Variants in CCDC81 observed in about 807,000 individuals in gnomAD.
CCDC81 encodes coiled-coil domain-containing protein 81.
In CCDC81, 79 loss-of-function variants were observed where a neutral mutation model predicts 83.7. That is an observed-to-expected ratio of 0.94 (90% CI 0.79 to 1.14). The LOEUF is 1.14. Ranked by LOEUF, CCDC81 falls within the 50% of genes most tolerant of loss-of-function variation. The pLI is 0.00. For missense variants in CCDC81, 791 were observed against 778.1 expected (o/e 1.02, Z -0.20); for synonymous variants, 252 against 278.1 (o/e 0.91, Z 0.93).
intron 6 of CCDC81, among the ~76,000 whole-genome samples, chr11:86,398,135 A>G (rs993983713): frequency 7.9e-5 from 12 of 152,206 alleles, no homozygotes; most frequent in Non-Finnish European, 1.8e-4. Context: ...GCACCCAGCC[A>G]CAAATAATCA....
At chr11:86,403,949 C>G (rs1481033794) in intron 7 of CCDC81, among the ~76,000 whole-genome samples, 1 of 151,960 alleles carries the variant, frequency 6.6e-6, no homozygotes, top group Non-Finnish European at 1.5e-5. Flanking sequence ...GCTTAGGTAA[C>G]TGGGAGAAGA....
At chr11:86,400,857 G>A (rs750770683) in intron 7 of CCDC81, 56 bp downstream of exon 7, 17 of 1,506,668 alleles carry the variant, frequency 1.1e-5, no homozygotes, top group South Asian at 2.5e-5. Flanking sequence ...TTTTTGAGTC[G>A]TTGCTTGATG....
In CCDC81 at chr11:86,375,186, C is replaced by T; in HGVS notation, c.23C>T (p.Ala8Val). 6.2e-7 allele frequency: 1 copy of T among 1,613,396 alleles called. No homozygotes were observed. Among genetic ancestry groups the T allele is most frequent in the Non-Finnish European group, 8.5e-7 (1 of 1,179,892 alleles). Residue 8 changes from alanine (A) to valine (V), a missense_variant, in exon 1 of 15, where the codon GCC becomes GTC. Physicochemically the swap from Ala to Val is moderately conservative, Grantham distance 64. Coordinates refer to ENST00000445632, the MANE Select transcript of CCDC81 (RefSeq NM_001156474.2). MLDTIAR[A>V]LQDLGRQVLP... Reference sequence around the variant, plus strand: ...GAGATGTTGGATACGATCGCCCGTGCCCTGCAGGACCTGGGCAGGCAGGTG... The same window carrying T: ...GAGATGTTGGATACGATCGCCCGTGTCCTGCAGGACCTGGGCAGGCAGGTG...
intron 14 of CCDC81, 148 bp from the exon 15 acceptor site, chr11:86,422,426 G>A (rs1452135): frequency 0.36 from 222,481 of 622,032 alleles, 41,832 homozygotes; most frequent in Middle Eastern, 0.43. Flanking sequence ...GGAAGCAGGG[G>A]ATGCCAGGAT....
intron 1 of CCDC81, among the ~76,000 whole-genome samples, chr11:86,380,431 C>CT (rs989656163): frequency 1.3e-5 from 2 of 152,032 alleles, no homozygotes; most frequent in African/African-American, 2.4e-5. Flanking sequence ...TCCTAGGTAT[C>CT]TTTTTTTGGG....
At chr11:86,391,704 A>G (rs958140623) in intron 3 of CCDC81, among the ~76,000 whole-genome samples, 25 of 152,232 alleles carry the variant, frequency 1.6e-4, no homozygotes, top group African/African-American at 5.8e-4. Flanking sequence ...ACTTGTAGGT[A>G]TTTGTAATCA....
chr11:86,414,679 C>T, intron 11 of CCDC81, 110 bp from the exon 12 acceptor site: 1 of 651,716 alleles, frequency 1.5e-6, no homozygotes, highest in Admixed American at 3.3e-5. Context: ...TTTTTATTTA[C>T]CAGACTCTTG....
rs1376106819 is a variant in CCDC81, at chr11:86,407,701, G to A, written c.969G>A (p.Gln323=). The A allele has an allele frequency of 6.2e-7, 1 of 1,609,830 alleles. No individual in the cohort carries two copies. Among genetic ancestry groups the A allele is most frequent in the East Asian group, 2.2e-5 (1 of 44,760 alleles). Residue 323 remains glutamine (Q), a splice_region_variant and synonymous_variant, in exon 8 of 15, where the codon CAG becomes CAA. Transcript: ENST00000445632. ...GCCAGGATCATAACAAGGCAGGACA[G>A]GTACAGTGTTTCCAAACAAATAAGT... ...PACQDHNKAG[Q]EMCYVCLQRA...
At chr11:86,392,248 T>A (rs952828756) in intron 3 of CCDC81, among the ~76,000 whole-genome samples, 2 of 152,242 alleles carry the variant, frequency 1.3e-5, no homozygotes, top group Non-Finnish European at 2.9e-5. Context: ...TTGATTATTA[T>A]ATGTTTCCTA....
rs758399609 is a variant in CCDC81 at position 86,383,114 on chromosome 11, A to G, written c.80-2937A>G. Reference sequence around the variant, plus strand: ...CCTGCTGCTTCTGTATGTTTTAGCAAAGTTTAATATTATGTAATTATAGTT... The same window carrying G: ...CCTGCTGCTTCTGTATGTTTTAGCAGAGTTTAATATTATGTAATTATAGTT... On this transcript the variant is annotated intron_variant, in intron 1 of 14. Coordinates refer to ENST00000445632, the MANE Select transcript of CCDC81 (RefSeq NM_001156474.2). 9.2e-5 allele frequency among the ~76,000 whole-genome samples: 14 copies of G among 152,312 alleles called. No homozygotes were observed. The South Asian group carries it at 2.9e-3, about 32-fold the overall frequency.
intron 7 of CCDC81, among the ~76,000 whole-genome samples, chr11:86,403,910 G>A (rs937031874): frequency 6.6e-6 from 1 of 152,186 alleles, no homozygotes; most frequent in Non-Finnish European, 1.5e-5. Flanking sequence ...AGGTTAAGAA[G>A]GAGATGTCAA....
chr11:86,399,971 A>G (rs1011103008), intron 6 of CCDC81, among the ~76,000 whole-genome samples: 1 of 151,252 alleles, frequency 6.6e-6, no homozygotes, highest in Non-Finnish European at 1.5e-5. Flanking sequence ...ACTACTACAA[A>G]AAAAAAAAAG....
chr11:86,401,733 G>A (rs140249259), intron 7 of CCDC81, among the ~76,000 whole-genome samples: 7 of 152,160 alleles, frequency 4.6e-5, no homozygotes, highest in South Asian at 2.1e-4. Flanking sequence ...TGCATGCGAC[G>A]AAGACAACAA....
intron 7 of CCDC81, among the ~76,000 whole-genome samples, chr11:86,405,777 TC>T (rs1188406988): frequency 6.9e-6 from 1 of 145,572 alleles, no homozygotes; most frequent in Admixed American, 7.4e-5. Context: ...CATCATTTCT[TC>T]TTTTTTCTTT....
intron 6 of CCDC81, among the ~76,000 whole-genome samples, chr11:86,398,050 G>A (rs1166624426): frequency 1.3e-5 from 2 of 151,978 alleles, no homozygotes; most frequent in Admixed American, 6.6e-5. Flanking sequence ...GGCCAGGCTG[G>A]TCTCAAACTC....
chr11:86,375,447 C>G (rs1005287874), intron 1 of CCDC81, among the ~76,000 whole-genome samples: 1 of 152,052 alleles, frequency 6.6e-6, no homozygotes, highest in Non-Finnish European at 1.5e-5. Context: ...CCAGGGGATG[C>G]GTAGACAGCA....
In CCDC81 at chr11:86,409,376, T is replaced by TA. The variant is rs750418244; in HGVS notation, c.1218+16dup. 2.1e-6 allele frequency: 3 copies of TA among 1,421,752 alleles called. No individual in the cohort carries two copies. In the African/African-American group the frequency reaches 4.4e-5, roughly 21 times the overall value. 88.1% of individuals were successfully genotyped at this position (1,421,752 alleles called of 1,614,324 possible). ...AAACCGGAATTTTATGTAAGTCTTTTAAAAATTTCTGTTGCTAACACCTGG... is the reference window on the plus strand; with the variant it reads ...AAACCGGAATTTTATGTAAGTCTTTTAAAAAATTTCTGTTGCTAACACCTGG... On this transcript the variant is annotated intron_variant, in intron 10 of 14. Coordinates refer to ENST00000445632, the MANE Select transcript of CCDC81 (RefSeq NM_001156474.2).
At chr11:86,406,561 C>T (rs1232670982) in intron 7 of CCDC81, among the ~76,000 whole-genome samples, 1 of 152,164 alleles carries the variant, frequency 6.6e-6, no homozygotes. Flanking sequence ...AATCCCAGCA[C>T]TTTGGGAGGC....
At chr11:86,398,555 T>C (rs986843388) in intron 6 of CCDC81, among the ~76,000 whole-genome samples, 4 of 151,978 alleles carry the variant, frequency 2.6e-5, no homozygotes, top group Non-Finnish European at 4.4e-5. Context: ...CCAAAGACTT[T>C]TTATTTTCTT....
Sources: gnomAD v4.1 joint callset for allele counts (sites outside exome capture counted in the v4.1 genomes callset) on GRCh38, gnomAD v4.1.1 for gene constraint, MANE v1.5 for transcripts, NCBI Gene and HGNC (gene_info 2026-07-23, HGNC 2026-07-21) for gene names.